GAB1: variants seen among roughly 807,000 people sequenced by gnomAD.
GAB1 encodes GRB2-associated-binding protein 1.
Under a neutral mutation model 66.5 loss-of-function variants are expected in GAB1, and 19 were observed. The observed-to-expected ratio is 0.29, with a 90% CI of 0.20 to 0.42. GAB1 has a LOEUF of 0.42. Among genes scored for constraint, GAB1 ranks in the 10% least tolerant of loss-of-function variants. The pLI is 1.00. For synonymous variants in GAB1, 294 were observed against 301.4 expected, an observed-to-expected ratio of 0.98 and a Z score of 0.25; for missense variants, 732 against 858.5, an observed-to-expected ratio of 0.85 and a Z score of 1.84.
In GAB1 at chr4:143,373,868, A is replaced by AATAAATATATATATATATATAT; in HGVS notation, c.72+36611_72+36612insAATATATATATATATATATATA. Among the ~76,000 whole-genome samples the AATAAATATATATATATATATAT allele has an allele frequency of 9.8e-4, 92 of 93,682 alleles. 5 individuals carry two copies. Among genetic ancestry groups the AATAAATATATATATATATATAT allele is most frequent in the African/African-American group, 3.6e-3 (77 of 21,604 alleles). The allele number at this position is 93,682 out of a possible 152,430, so 61.5% of individuals were successfully genotyped here. Reference sequence around the variant, plus strand: ...CTCTCTCTCTCTCTGTAAATAAATAAATATATATATATATATATTTTTACC... The same window carrying AATAAATATATATATATATATAT: ...CTCTCTCTCTCTCTGTAAATAAATAAATAAATATATATATATATATATATATATATATATATATATTTTTACC... On this transcript the variant is annotated intron_variant, in intron 1 of 9. Transcript: ENST00000262994.
At chr4:143,456,660 A>G (rs772740390) in intron 6 of GAB1, among the ~76,000 whole-genome samples, 1 of 152,206 alleles carries the variant, frequency 6.6e-6, no homozygotes, top group Non-Finnish European at 1.5e-5. Context: ...TTTATTTTTT[A>G]TAACTTCTAC....
At chr4:143,360,793 T>C (rs1729633630) in intron 1 of GAB1, among the ~76,000 whole-genome samples, 1 of 152,196 alleles carries the variant, frequency 6.6e-6, no homozygotes, top group South Asian at 2.1e-4. Flanking sequence ...TTACTGGTAA[T>C]AAGCCAAAAG....
At chr4:143,378,440 T>C (rs1233243789) in intron 1 of GAB1, among the ~76,000 whole-genome samples, 1 of 152,222 alleles carries the variant, frequency 6.6e-6, no homozygotes, top group East Asian at 1.9e-4. Context: ...GTTCTTTTCT[T>C]AATTATGAAA....
intron 1 of GAB1, chr4:143,380,520 A>G (rs1730613648): frequency 6.6e-6 from 1 of 152,232 alleles, no homozygotes; most frequent in African/African-American, 2.4e-5. Context: ...AAATTCAAAG[A>G]CTTAGAAAGT....
intron 2 of GAB1, among the ~76,000 whole-genome samples, chr4:143,430,607 A>G (rs1171322602): frequency 2.6e-5 from 4 of 152,228 alleles, no homozygotes; most frequent in African/African-American, 7.2e-5. Flanking sequence ...ACTTGATATT[A>G]TGAAATAGAA....
At chr4:143,434,214 T>A in intron 3 of GAB1, 1 of 983,304 alleles carries the variant, frequency 1.0e-6, no homozygotes. Flanking sequence ...AAATTAATCA[T>A]AAGGTAAAAT....
intron 1 of GAB1, among the ~76,000 whole-genome samples, chr4:143,353,962 T>C (rs1581219226): frequency 6.6e-6 from 1 of 152,166 alleles, no homozygotes; most frequent in Non-Finnish European, 1.5e-5. Context: ...AGGATCATTA[T>C]TGTTATTGTA....
At chr4:143,401,768 A>G (rs905596735) in intron 1 of GAB1, among the ~76,000 whole-genome samples, 2 of 152,230 alleles carry the variant, frequency 1.3e-5, no homozygotes, top group Non-Finnish European at 2.9e-5. Context: ...AAAAGTATGT[A>G]TGATATGAAT....
chr4:143,371,490 T>C (rs995825348), intron 1 of GAB1, among the ~76,000 whole-genome samples: 1 of 152,224 alleles, frequency 6.6e-6, no homozygotes, highest in Non-Finnish European at 1.5e-5. Flanking sequence ...TTTCTCCCAT[T>C]CTGTAGGTTG....
intron 1 of GAB1, chr4:143,350,031 G>T: frequency 1.2e-5 from 19 of 1,555,048 alleles, no homozygotes; most frequent in Non-Finnish European, 1.6e-5. Context: ...TGCCACTGCC[G>T]AAACCTCCGC....
intron 1 of GAB1, among the ~76,000 whole-genome samples, chr4:143,346,989 G>A (rs1464009774): frequency 6.6e-6 from 1 of 152,162 alleles, no homozygotes; most frequent in Non-Finnish European, 1.5e-5. Flanking sequence ...ATTTATAAAT[G>A]TTGACTGTTT....
intron 1 of GAB1, chr4:143,349,767 GAT>G (rs1258461535): frequency 1.9e-5 from 30 of 1,589,826 alleles, no homozygotes; most frequent in Non-Finnish European, 2.6e-5. Context: ...TGTAGTCCCC[GAT>G]AGCAACGAAT....
chr4:143,425,446 A>G, intron 2 of GAB1: 1 of 759,896 alleles, frequency 1.3e-6, no homozygotes, highest in Non-Finnish European at 2.4e-6. Flanking sequence ...AGCCTCTCAT[A>G]GAGAGAGGCA....
rs549403054 is a variant in GAB1 at position 143,395,719 on chromosome 4, C to G, written c.73-19758C>G. The G allele has an allele frequency of 1.8e-5, 6 of 328,590 alleles. No individual in the cohort carries two copies. The East Asian group carries it at 5.4e-4, about 30-fold the overall frequency. The allele number at this position is 328,590 out of a possible 1,614,324, so 20.4% of individuals were successfully genotyped here. The stretch of plus-strand genomic sequence containing the variant: ...TATAATAAATATGAAGTTTTGAAAC[C>G]ATGTTCTTTTAAATGAGGTGAATTA... On this transcript the variant is annotated intron_variant, in intron 1 of 9. Transcript: ENST00000262994.
At chr4:143,368,849 A>G (rs1164493458) in intron 1 of GAB1, among the ~76,000 whole-genome samples, 5 of 152,068 alleles carry the variant, frequency 3.3e-5, no homozygotes, top group Admixed American at 6.6e-5. Context: ...CTATGGCGCC[A>G]TCTTGACTTA....
At chr4:143,380,946 C>G (rs936449721) in intron 1 of GAB1, among the ~76,000 whole-genome samples, 5 of 152,150 alleles carry the variant, frequency 3.3e-5, no homozygotes, top group Admixed American at 2.6e-4. Flanking sequence ...TTTTACTGAC[C>G]TATCTTTCCT....
chr4:143,462,257 T>C (rs1231382723), intron 8 of GAB1, among the ~76,000 whole-genome samples: 3 of 152,192 alleles, frequency 2.0e-5, no homozygotes. Context: ...AGTTAATTAG[T>C]TTTCCTCAGT....
chr4:143,370,894 C>A (rs1199881236), intron 1 of GAB1, among the ~76,000 whole-genome samples: 1 of 152,170 alleles, frequency 6.6e-6, no homozygotes, highest in Non-Finnish European at 1.5e-5. Context: ...TTTTTTATGG[C>A]TGCATAGTAT....
intron 1 of GAB1, among the ~76,000 whole-genome samples, chr4:143,353,082 C>T (rs772428745): frequency 1.4e-4 from 22 of 152,198 alleles, no homozygotes; most frequent in South Asian, 4.2e-4. Flanking sequence ...ATTCCTGAAT[C>T]AAGAGTTTAT....
Sources: gnomAD v4.1 joint callset for allele counts (sites outside exome capture counted in the v4.1 genomes callset) on GRCh38, gnomAD v4.1.1 for gene constraint, MANE v1.5 for transcripts, NCBI Gene and HGNC (gene_info 2026-07-23, HGNC 2026-07-21) for gene names.